The following MAPT variants were observed in gnomAD, a reference collection of about 807,000 sequenced individuals.
MAPT encodes the protein microtubule associated protein tau, also known as microtubule-associated protein tau.
Under a neutral mutation model 67.9 loss-of-function variants are expected in MAPT, and 34 were observed. The observed-to-expected ratio is 0.50, with a 90% CI of 0.38 to 0.67. MAPT has a LOEUF of 0.67. Ranked by LOEUF, MAPT falls within the 30% of genes least tolerant of loss-of-function variation. The probability of loss-of-function intolerance (pLI) is 0.00; values close to 1 mark genes in which losing one functional copy is unlikely to be tolerated. For synonymous variants in MAPT, 456 were observed against 464.5 expected (o/e 0.98, Z 0.23); for missense variants, 881 against 1,115.2 (o/e 0.79, Z 2.99).
In MAPT at chr17:45,906,041, G is replaced by A. The variant is rs949598755; in HGVS notation, c.-18+11355G>A. Among the ~76,000 whole-genome samples the A allele has an allele frequency of 2.0e-5, 3 of 152,190 alleles. No homozygotes were observed. Among genetic ancestry groups the A allele is most frequent in the Admixed American group, 1.3e-4 (2 of 15,282 alleles). On this transcript the variant is annotated intron_variant, in intron 1 of 12. Transcript: ENST00000262410. The surrounding 1 kb of genome is among the most constrained non-coding windows in gnomAD (Gnocchi z 4.3). ...GGTGAGGGCTGAGCCAGCAGGGTCC[G>A]TGCCCAGGAGGGATGCATGGGTGGC... is the stretch of plus-strand genomic sequence containing the variant.
intron 1 of MAPT, among the ~76,000 whole-genome samples, chr17:45,960,840 C>T (rs1364111104): frequency 5.0e-5 from 2 of 40,092 alleles, no homozygotes; most frequent in Non-Finnish European, 1.3e-4. Context: ...TTCACAGGGG[C>T]CAAAAAAAAA....
intron 9 of MAPT, among the ~76,000 whole-genome samples, chr17:45,998,898 C>A (rs2074745285): frequency 6.6e-6 from 1 of 152,130 alleles, no homozygotes; most frequent in Non-Finnish European, 1.5e-5. Context: ...GAGGGGCCCT[C>A]ACTGGCCTTT....
At chr17:45,965,254 A>C (rs577067974) in intron 2 of MAPT, among the ~76,000 whole-genome samples, 3 of 151,680 alleles carry the variant, frequency 2.0e-5, no homozygotes, top group Non-Finnish European at 2.9e-5. Context: ...ACATGGTGAA[A>C]CCTCGTCTCT....
At chr17:45,974,224 G>A in intron 3 of MAPT, 1 of 659,416 alleles carries the variant, frequency 1.5e-6, no homozygotes, top group South Asian at 1.7e-5. Flanking sequence ...CTGGGGAGCT[G>A]GTAGCAGGGG....
chr17:46,006,520 A>C (rs1044199616), intron 9 of MAPT, among the ~76,000 whole-genome samples: 21 of 152,218 alleles, frequency 1.4e-4, no homozygotes, highest in South Asian at 4.1e-4. Context: ...TGGATAGCAC[A>C]GCAGGGTGAC....
intron 1 of MAPT, among the ~76,000 whole-genome samples, chr17:45,933,847 T>TG (rs2067086350): frequency 6.6e-6 from 1 of 151,600 alleles, no homozygotes; most frequent in Admixed American, 6.6e-5. Flanking sequence ...CTGATTTTTT[T>TG]TTTTTTTTTT....
intron 1 of MAPT, among the ~76,000 whole-genome samples, chr17:45,903,425 G>A (rs1430626904): frequency 6.6e-6 from 1 of 151,904 alleles, no homozygotes; most frequent in East Asian, 1.9e-4. Context: ...ATTAATCAGG[G>A]CAACATCAGG....
rs181641167 is a variant in MAPT, at chr17:46,010,655, G to A, written c.2091+253G>A. ...CTGGGTCCCCCAGCCTGCGCAGGCT[G>A]TGTGGACAGAATAGGGCAGATGACG... On this transcript the variant is annotated intron_variant, in intron 10 of 12. Coordinates refer to ENST00000262410, the MANE Select transcript of MAPT (RefSeq NM_001377265.1). The surrounding 1 kb of genome is among the most constrained non-coding windows in gnomAD (Gnocchi z 4.7). Among the ~76,000 whole-genome samples the A allele has an allele frequency of 6.6e-6, 1 of 152,320 alleles. No individual in the cohort carries two copies. Among genetic ancestry groups the A allele is most frequent in the East Asian group, 1.9e-4 (1 of 5,182 alleles).
At chr17:45,923,888 C>T (rs1170478045) in intron 1 of MAPT, among the ~76,000 whole-genome samples, 1 of 152,192 alleles carries the variant, frequency 6.6e-6, no homozygotes, top group Non-Finnish European at 1.5e-5. Context: ...CCTGAGTTTC[C>T]TCATCTGTAA....
chr17:45,953,480 G>A (rs1212737730), intron 1 of MAPT, among the ~76,000 whole-genome samples: 2 of 152,234 alleles, frequency 1.3e-5, no homozygotes, highest in Non-Finnish European at 1.5e-5. Context: ...GATCAGGGTG[G>A]AGGCTGAGCC....
intron 1 of MAPT, among the ~76,000 whole-genome samples, chr17:45,944,605 T>C (rs1252238783): frequency 6.6e-6 from 1 of 151,970 alleles, no homozygotes; most frequent in Non-Finnish European, 1.5e-5. Context: ...GGGTACAGGG[T>C]AGAGCGGGCC....
At chr17:45,968,774 T>C (rs2071345915) in intron 2 of MAPT, among the ~76,000 whole-genome samples, 1 of 152,230 alleles carries the variant, frequency 6.6e-6, no homozygotes, top group Admixed American at 6.5e-5. Context: ...AGTGCTACAC[T>C]GGGCCCTTCA....
At chr17:45,941,361 C>T (rs1382093361) in intron 1 of MAPT, among the ~76,000 whole-genome samples, 1 of 152,072 alleles carries the variant, frequency 6.6e-6, no homozygotes, top group East Asian at 1.9e-4. Flanking sequence ...TCTTGGAAGA[C>T]CCAGAAGCCT....
intron 1 of MAPT, among the ~76,000 whole-genome samples, chr17:45,903,988 T>TA (rs1568133593): frequency 0.026 from 311 of 11,768 alleles, 18 homozygotes; most frequent in African/African-American, 0.078. Flanking sequence ...TATTATATAT[T>TA]TATATATATT....
intron 1 of MAPT, among the ~76,000 whole-genome samples, chr17:45,946,615 A>AAAAAAAATATATATAT: frequency 4.0e-5 from 4 of 100,400 alleles, no homozygotes; most frequent in African/African-American, 8.7e-5. Flanking sequence ...AAAAAAAAAA[A>AAAAAAAATATATATAT]ATATATATAT....
At chr17:45,910,558 A>C (rs1054095617) in intron 1 of MAPT, among the ~76,000 whole-genome samples, 1 of 151,744 alleles carries the variant, frequency 6.6e-6, no homozygotes, top group Admixed American at 6.6e-5. Flanking sequence ...CCCAAAGACA[A>C]AAAAAAAGTG....
chr17:45,963,460 T>C (rs2070688509), intron 2 of MAPT, among the ~76,000 whole-genome samples: 1 of 152,084 alleles, frequency 6.6e-6, no homozygotes, highest in East Asian at 1.9e-4. Flanking sequence ...GTCTCCGCGC[T>C]GGGTTGTGCT....
At chr17:45,941,821 T>TACA (rs2068025747) in intron 1 of MAPT, among the ~76,000 whole-genome samples, 1 of 151,620 alleles carries the variant, frequency 6.6e-6, no homozygotes, top group African/African-American at 2.4e-5. Flanking sequence ...GTCTTTCTGT[T>TACA]GGATAATGGA....
intron 6 of MAPT, 115 bp downstream of exon 6, chr17:45,987,210 C>T: frequency 9.8e-7 from 1 of 1,019,284 alleles, no homozygotes; most frequent in Non-Finnish European, 1.5e-6. Flanking sequence ...TAAAGTACAG[C>T]TGTCATTTAA....
Sources: allele counts gnomAD v4.1 joint callset (sites outside exome capture counted in the v4.1 genomes callset), GRCh38; gene constraint gnomAD v4.1.1; non-coding constraint Gnocchi (gnomAD v3.1); transcripts MANE v1.5; gene names NCBI Gene and HGNC (gene_info 2026-07-23, HGNC 2026-07-21).